The following AUTS2 variants were observed in gnomAD, a reference collection of about 807,000 sequenced individuals.
The protein encoded by AUTS2 is autism susceptibility gene 2 protein.
In AUTS2, 17 loss-of-function variants were observed where a neutral mutation model predicts 112.4. The observed-to-expected ratio is 0.15, with a 90% CI of 0.10 to 0.23. AUTS2 has a LOEUF of 0.23. Among genes scored for constraint, AUTS2 ranks in the 10% least tolerant of loss-of-function variants. The pLI is 1.00. For synonymous variants in AUTS2, 751 were observed against 702.7 expected, an observed-to-expected ratio of 1.07 and a Z score of -1.09; for missense variants, 1,510 against 1,701.6, an observed-to-expected ratio of 0.89 and a Z score of 1.98.
chr7:70,447,979 G>A (rs1425990517), intron 5 of AUTS2, among the ~76,000 whole-genome samples: 1 of 152,140 alleles, frequency 6.6e-6, no homozygotes, highest in East Asian at 1.9e-4. Flanking sequence ...ATAAACTTAT[G>A]TTGAATCATG....
chr7:70,157,080 C>T (rs1041115880), intron 4 of AUTS2, among the ~76,000 whole-genome samples: 4 of 150,106 alleles, frequency 2.7e-5, no homozygotes, highest in African/African-American at 9.8e-5. Flanking sequence ...CTCCGTCTTA[C>T]CAAAAAAAAA....
chr7:69,886,638 G>A (rs1018850232), intron 1 of AUTS2, among the ~76,000 whole-genome samples: 1 of 151,978 alleles, frequency 6.6e-6, no homozygotes, highest in African/African-American at 2.4e-5. Flanking sequence ...TTCCTAAATG[G>A]GCCACTCTGT....
chr7:70,080,613 T>C (rs1183780013), intron 2 of AUTS2, among the ~76,000 whole-genome samples: 1 of 152,220 alleles, frequency 6.6e-6, no homozygotes, highest in Non-Finnish European at 1.5e-5. Context: ...CATCTATACA[T>C]ACATACTTCT....
chr7:69,941,511 G>A (rs1796625061), intron 2 of AUTS2, among the ~76,000 whole-genome samples: 1 of 151,850 alleles, frequency 6.6e-6, no homozygotes, highest in South Asian at 2.1e-4. Flanking sequence ...ATTCCAAGAA[G>A]ATGGGAAGTT....
chr7:69,686,205 A>G (rs562747482), intron 1 of AUTS2, among the ~76,000 whole-genome samples: 21 of 152,310 alleles, frequency 1.4e-4, no homozygotes, highest in African/African-American at 5.1e-4. Context: ...AGGAAGGGAT[A>G]TGAACAACAG....
At chr7:69,938,283 C>T (rs1403041104) in intron 2 of AUTS2, among the ~76,000 whole-genome samples, 1 of 152,164 alleles carries the variant, frequency 6.6e-6, no homozygotes, top group Non-Finnish European at 1.5e-5. Flanking sequence ...TTCCCGTAGG[C>T]CTCTTCCCAC....
intron 5 of AUTS2, among the ~76,000 whole-genome samples, chr7:70,454,231 C>T (rs1428287214): frequency 6.6e-6 from 1 of 152,068 alleles, no homozygotes; most frequent in East Asian, 1.9e-4. Context: ...TTTTTTAACG[C>T]TATTAAAAAT....
intron 6 of AUTS2, among the ~76,000 whole-genome samples, chr7:70,724,284 A>ATATGT (rs1039595703): frequency 6.6e-6 from 1 of 152,150 alleles, no homozygotes; most frequent in African/African-American, 2.4e-5. Context: ...TGTGCTTATC[A>ATATGT]GCAATTTGAT....
intron 4 of AUTS2, among the ~76,000 whole-genome samples, chr7:70,311,925 A>C (rs1237686241): frequency 6.6e-6 from 1 of 152,220 alleles, no homozygotes; most frequent in Non-Finnish European, 1.5e-5. Flanking sequence ...CGTGTTAGCC[A>C]GGATGGTCTT....
chr7:70,036,611 T>C (rs529034428), intron 2 of AUTS2, among the ~76,000 whole-genome samples: 1 of 152,344 alleles, frequency 6.6e-6, no homozygotes, highest in Non-Finnish European at 1.5e-5. Context: ...CACAGTCCTT[T>C]GGTCCTTGAA....
chr7:69,716,758 A>C (rs1383081285), intron 1 of AUTS2, among the ~76,000 whole-genome samples: 1 of 152,060 alleles, frequency 6.6e-6, no homozygotes, highest in African/African-American at 2.4e-5. Context: ...CCAGCTATTA[A>C]TCGGGGTTCT....
chr7:70,339,083 T>G (rs995302285), intron 4 of AUTS2, among the ~76,000 whole-genome samples: 3 of 151,952 alleles, frequency 2.0e-5, no homozygotes, highest in African/African-American at 7.3e-5. Context: ...CAGGATGGTT[T>G]CGATCTCCTG....
intron 4 of AUTS2, among the ~76,000 whole-genome samples, chr7:70,264,114 C>T (rs148768412): frequency 2.0e-5 from 3 of 152,224 alleles, no homozygotes; most frequent in Admixed American, 1.3e-4. Context: ...AGAGTGGAAG[C>T]GTTCATAAAA....
chr7:70,607,035 T>C (rs1021389297), intron 5 of AUTS2, among the ~76,000 whole-genome samples: 1 of 152,138 alleles, frequency 6.6e-6, no homozygotes, highest in African/African-American at 2.4e-5. Context: ...CAGAGTTAGA[T>C]TTATCCTGTG....
chr7:70,037,685 A>G (rs1287697465), intron 2 of AUTS2, among the ~76,000 whole-genome samples: 5 of 152,102 alleles, frequency 3.3e-5, no homozygotes, highest in African/African-American at 9.7e-5. Context: ...AGGCATTTTT[A>G]TGTGATGACT....
At position 69,899,200 on chromosome 7, in the gene AUTS2, C is replaced by T. The variant is rs1584412096; in HGVS notation, c.310-86C>T. 4.1e-6 allele frequency: 4 copies of T among 983,900 alleles called. No individual in the cohort carries two copies. In the East Asian group the frequency reaches 9.7e-5, roughly 24 times the overall value. 60.9% of individuals were successfully genotyped at this position (983,900 alleles called of 1,614,324 possible). On this transcript the variant is annotated intron_variant, in intron 1 of 18. Transcript: ENST00000342771. The stretch of plus-strand genomic sequence containing the variant: ...ATCCCTCTCCCACTTAGTAGTAACA[C>T]CCTTTAGTATTTAGCCTATATTTTG...
intron 4 of AUTS2, among the ~76,000 whole-genome samples, chr7:70,280,259 CTT>C (rs890192336): frequency 6.7e-6 from 1 of 149,718 alleles, no homozygotes; most frequent in African/African-American, 2.5e-5. Flanking sequence ...GTGAGGGAAA[CTT>C]TTTTTTTCTT....
At chr7:70,296,312 T>C (rs1033882950) in intron 4 of AUTS2, among the ~76,000 whole-genome samples, 1 of 152,246 alleles carries the variant, frequency 6.6e-6, no homozygotes, top group African/African-American at 2.4e-5. Flanking sequence ...AGATATCATG[T>C]TGACTACTTT....
At chr7:69,604,871 G>A (rs1011566217) in intron 1 of AUTS2, among the ~76,000 whole-genome samples, 1 of 152,212 alleles carries the variant, frequency 6.6e-6, no homozygotes, top group South Asian at 2.1e-4. Flanking sequence ...CTAGTTTAGA[G>A]TAAAGCTTCT....
Sources: gnomAD v4.1 joint callset for allele counts (sites outside exome capture counted in the v4.1 genomes callset) on GRCh38, gnomAD v4.1.1 for gene constraint, MANE v1.5 for transcripts, NCBI Gene and HGNC (gene_info 2026-07-23, HGNC 2026-07-21) for gene names.